Variants in LRRN1 observed in about 807,000 individuals in gnomAD.
LRRN1 encodes leucine rich repeat neuronal 1, also known as leucine-rich repeat neuronal protein 1.
Under a neutral mutation model 45.8 loss-of-function variants are expected in LRRN1, and 14 were observed. The ratio of observed to expected loss-of-function variants is 0.31; its 90% CI spans 0.20 to 0.48. The LOEUF (loss-of-function observed/expected upper bound fraction) is 0.48. Ranked by LOEUF, LRRN1 falls within the 20% of genes least tolerant of loss-of-function variation. The pLI is 0.99. For missense variants in LRRN1, 789 were observed against 874.2 expected (o/e 0.90, Z 1.23); for synonymous variants, 359 against 330.1 (o/e 1.09, Z -0.95).
chr3:3,824,957 G>A (rs185405568), intron 1 of LRRN1, among the ~76,000 whole-genome samples: 20 of 152,160 alleles, frequency 1.3e-4, no homozygotes, highest in Admixed American at 4.6e-4. Context: ...CACAGTTTGC[G>A]CATCTGTATA....
intron 1 of LRRN1, chr3:3,827,315 C>T (rs1233753028): frequency 6.0e-6 from 2 of 333,312 alleles, no homozygotes; most frequent in Non-Finnish European, 1.2e-5. Flanking sequence ...ATGCTATACT[C>T]TTGTTTCAGA....
intron 1 of LRRN1, among the ~76,000 whole-genome samples, chr3:3,812,830 A>AC (rs1692905650): frequency 6.6e-6 from 1 of 150,842 alleles, no homozygotes; most frequent in South Asian, 2.1e-4. Flanking sequence ...AAAAAAAAAA[A>AC]AAAGATGTAG....
At chr3:3,843,131 C>A (rs1158241783) in intron 1 of LRRN1, among the ~76,000 whole-genome samples, 1 of 152,180 alleles carries the variant, frequency 6.6e-6, no homozygotes, top group Non-Finnish European at 1.5e-5. Flanking sequence ...CATAGATTCC[C>A]TTAATTTTCT....
At position 3,845,732 on chromosome 3, in the gene LRRN1, G is replaced by A. The variant is rs368880248; in HGVS notation, c.1091G>A (p.Arg364His). 4.3e-5 allele frequency: 69 copies of A among 1,613,914 alleles called. 1 individual carries two copies. The Middle Eastern group carries it at 9.9e-4, about 23-fold the overall frequency. The change falls in exon 2 of 2, where the codon CGT (arginine) becomes CAT (histidine). Residue 364 changes from arginine to histidine, a missense_variant. Arg to His is a conservative substitution (Grantham distance 29). Transcript: ENST00000319331. This position sits in a 1 kb window ranked among gnomAD's most constrained non-coding sequence, Gnocchi z 6.5. ...QKTVESLPNLREISIHSNPLR... is the reference protein window; with the variant it reads ...QKTVESLPNLHEISIHSNPLR... ...ACAGTCGAATCCCTCCCCAATCTGC[G>A]TGAGATCAGTATCCATAGCAATCCC...
chr3:3,828,140 A>T (rs1022939628), intron 1 of LRRN1, among the ~76,000 whole-genome samples: 2 of 148,642 alleles, frequency 1.3e-5, no homozygotes, highest in Admixed American at 6.8e-5. Context: ...AATTATATAT[A>T]TATATATATA....
intron 1 of LRRN1, among the ~76,000 whole-genome samples, chr3:3,811,883 A>G (rs1011675983): frequency 6.6e-6 from 1 of 152,236 alleles, no homozygotes; most frequent in Non-Finnish European, 1.5e-5. Context: ...ATTCTGCAAC[A>G]AAGCAGAAAA....
chr3:3,800,254 AGGGGAGGGAGGTGCCCGGGGAC>A (rs1448690964), intron 1 of LRRN1, among the ~76,000 whole-genome samples: 1 of 150,742 alleles, frequency 6.6e-6, no homozygotes, highest in Non-Finnish European at 1.5e-5. Flanking sequence ...GGGGCCGACC[AGGGGAGGGAGGTGCCCGGGGAC>A]GGGGAGGGAG....
In LRRN1 at chr3:3,847,774, A is replaced by G. The variant is rs1247962214; in HGVS notation, c.*982A>G. ...TTTAATTCTTTTTCTAAGGGAAGAA[A>G]TGTCTATTTTAATTAAGATATTTTA... On this transcript the variant is annotated 3_prime_UTR_variant, in exon 2 of 2. Transcript: ENST00000319331. 6.0e-6 allele frequency: 1 copy of G among 166,580 alleles called. No individual in the cohort carries two copies. Among genetic ancestry groups the G allele is most frequent in the Non-Finnish European group, 1.5e-5 (1 of 68,110 alleles). The allele number at this position is 166,580 out of a possible 1,614,324, so 10.3% of individuals were successfully genotyped here. A position where few individuals can be genotyped will look rare whatever the true frequency, so the allele number is the denominator to read the frequency against.
intron 1 of LRRN1, among the ~76,000 whole-genome samples, chr3:3,830,916 A>T (rs1280458109): frequency 6.6e-6 from 1 of 152,234 alleles, no homozygotes; most frequent in East Asian, 1.9e-4. Context: ...GAGAGTAGTT[A>T]TCTGCAGAAG....
intron 1 of LRRN1, among the ~76,000 whole-genome samples, chr3:3,840,804 A>T (rs1231168238): frequency 6.6e-6 from 1 of 152,194 alleles, no homozygotes; most frequent in Admixed American, 6.5e-5. Flanking sequence ...GTGTATGTCA[A>T]AGAAAAATTT....
rs538264593 is a variant in LRRN1, at chr3:3,809,299, A to G, written c.-279+9380A>G. ...GCTGGGATCACAGGTGCCTGCCACC[A>G]TGCCCAGCTAATTTTTGTATTTTTA... On this transcript the variant is annotated intron_variant, in intron 1 of 1. Transcript: ENST00000319331. Among the ~76,000 whole-genome samples the G allele has an allele frequency of 9.2e-5, 14 of 152,250 alleles. No homozygotes were observed. In the East Asian group the frequency reaches 2.3e-3, roughly 25 times the overall value.
intron 1 of LRRN1, chr3:3,827,576 A>G: frequency 4.5e-6 from 2 of 444,872 alleles, no homozygotes; most frequent in South Asian, 3.1e-5. Flanking sequence ...AGCCATTCCT[A>G]AAAGAAAGGA....
chr3:3,817,140 C>G (rs1693004238), intron 1 of LRRN1, among the ~76,000 whole-genome samples: 1 of 152,156 alleles, frequency 6.6e-6, no homozygotes, highest in African/African-American at 2.4e-5. Context: ...GTTTTGTATT[C>G]TGCTCCCCAT....
At chr3:3,830,906 G>T (rs1693358176) in intron 1 of LRRN1, among the ~76,000 whole-genome samples, 1 of 152,180 alleles carries the variant, frequency 6.6e-6, no homozygotes, top group Admixed American at 6.5e-5. Flanking sequence ...CTCTCAAAAG[G>T]AGAGTAGTTA....
chr3:3,826,006 G>A (rs1158842221), intron 1 of LRRN1, among the ~76,000 whole-genome samples: 3 of 152,156 alleles, frequency 2.0e-5, no homozygotes, highest in Non-Finnish European at 4.4e-5. Context: ...AAGCAGGTAG[G>A]TTCTGTTTGG....
intron 1 of LRRN1, among the ~76,000 whole-genome samples, chr3:3,814,500 C>T (rs1391886546): frequency 4.6e-5 from 7 of 151,982 alleles, no homozygotes; most frequent in African/African-American, 1.7e-4. Context: ...ACTTTAACCT[C>T]GCCCATCCCT....
In LRRN1 at chr3:3,844,426, G is replaced by A. The variant is rs1474885922; in HGVS notation, c.-216G>A. The A allele has an allele frequency of 5.7e-6, 3 of 521,742 alleles. No individual in the cohort carries two copies. Among genetic ancestry groups the A allele is most frequent in the Non-Finnish European group, 6.8e-6 (2 of 296,098 alleles). The allele number at this position is 521,742 out of a possible 1,614,324, so 32.3% of individuals were successfully genotyped here. The stretch of plus-strand genomic sequence containing the variant: ...TGCCACGGACCTGTGCACATGCCTG[G>A]AATTGAGAGACACAGTTAAAAGACT... On this transcript the variant is annotated 5_prime_UTR_variant, in exon 2 of 2. An upstream open reading frame in the 5' UTR gains an earlier in-frame stop. Transcript: ENST00000319331.
chr3:3,828,501 C>T (rs1049480070), intron 1 of LRRN1, among the ~76,000 whole-genome samples: 1 of 151,994 alleles, frequency 6.6e-6, no homozygotes, highest in African/African-American at 2.4e-5. Flanking sequence ...CACACACACA[C>T]CTAAGATTAA....
In LRRN1 at chr3:3,846,955, G is replaced by A. The variant is rs567527975; in HGVS notation, c.*163G>A. The A allele has an allele frequency of 1.0e-4, 58 of 575,488 alleles. No homozygotes were observed. Among genetic ancestry groups the A allele is most frequent in the Admixed American group, 2.8e-4 (8 of 28,694 alleles). 35.6% of individuals were successfully genotyped at this position (575,488 alleles called of 1,614,324 possible). Reference sequence around the variant, plus strand: ...TCAAATTTTTTTAGTATAGCGTATCGCAAGGGTTTGACACGGCTGCCAGCG... The same window carrying A: ...TCAAATTTTTTTAGTATAGCGTATCACAAGGGTTTGACACGGCTGCCAGCG... On this transcript the variant is annotated 3_prime_UTR_variant, in exon 2 of 2. Transcript: ENST00000319331. The surrounding 1 kb of genome is among the most constrained non-coding windows in gnomAD (Gnocchi z 5.7).
Sources: allele counts gnomAD v4.1 joint callset (sites outside exome capture counted in the v4.1 genomes callset), GRCh38; gene constraint gnomAD v4.1.1; non-coding constraint Gnocchi (gnomAD v3.1); transcripts MANE v1.5; gene names NCBI Gene and HGNC (gene_info 2026-07-23, HGNC 2026-07-21).